The following NEB variants were observed in gnomAD, a reference collection of about 807,000 sequenced individuals.
NEB encodes nebulin.
In NEB, 512 loss-of-function variants were observed where a neutral mutation model predicts 952.2. That is an observed-to-expected ratio of 0.54 (90% CI 0.50 to 0.58). The LOEUF is 0.58. Among genes scored for constraint, NEB ranks in the 20% least tolerant of loss-of-function variants. The pLI is 0.00. For missense variants in NEB, 8,428 were observed against 9,231.1 expected (o/e 0.91, Z 3.56); for synonymous variants, 2,900 against 3,149.8 (o/e 0.92, Z 2.66).
chr2:151,574,922 C>T (rs916443445), intron 107 of NEB, among the ~76,000 whole-genome samples: 1 of 151,840 alleles, frequency 6.6e-6, no homozygotes, highest in South Asian at 2.1e-4. Flanking sequence ...TATTTTCTTG[C>T]AGAGATGGGG....
intron 170 of NEB, 113 bp from the exon 171 acceptor site, chr2:151,497,831 T>TGACA (rs1201725978): frequency 1.0e-5 from 16 of 1,525,392 alleles, no homozygotes; most frequent in African/African-American, 1.4e-5. Flanking sequence ...AGTTATATGC[T>TGACA]GACAAAATGC....
intron 108 of NEB, 27 bp from the exon 109 acceptor site, chr2:151,570,419 G>A: frequency 6.3e-7 from 1 of 1,578,524 alleles, no homozygotes; most frequent in Non-Finnish European, 8.6e-7. Context: ...AAAGCAGATG[G>A]GTCACAGCAT....
intron 135 of NEB, among the ~76,000 whole-genome samples, chr2:151,543,685 CTA>C (rs1400538576): frequency 6.6e-6 from 1 of 152,156 alleles, no homozygotes; most frequent in Non-Finnish European, 1.5e-5. Context: ...CGGGGTCTCA[CTA>C]TATTGCCCAG....
At chr2:151,618,588 C>T in intron 73 of NEB, 110 bp from the exon 74 acceptor site, 1 of 1,084,184 alleles carries the variant, frequency 9.2e-7, no homozygotes, top group Non-Finnish European at 1.3e-6. Context: ...AGTTAAGGTT[C>T]CTAGCATAGT....
intron 78 of NEB, among the ~76,000 whole-genome samples, chr2:151,611,284 A>G (rs1207974585): frequency 2.0e-5 from 3 of 152,214 alleles, no homozygotes; most frequent in Non-Finnish European, 2.9e-5. Flanking sequence ...AACTCCTCAC[A>G]TTCCTCATTT....
intron 105 of NEB, among the ~76,000 whole-genome samples, chr2:151,578,846 C>G (rs1274532506): frequency 6.6e-6 from 1 of 152,010 alleles, no homozygotes; most frequent in African/African-American, 2.4e-5. Flanking sequence ...CTTTGGAAGG[C>G]TGAGACGGGT....
At chr2:151,658,284 A>AT (rs1480715276) in intron 47 of NEB, among the ~76,000 whole-genome samples, 194 bp from the exon 48 acceptor site, 2 of 152,134 alleles carry the variant, frequency 1.3e-5, no homozygotes, top group African/African-American at 2.4e-5. Context: ...ACTTAAACAT[A>AT]TTTTCAAGAA....
chr2:151,720,313 A>G (rs1378432002), intron 9 of NEB, among the ~76,000 whole-genome samples: 1 of 152,214 alleles, frequency 6.6e-6, no homozygotes, highest in Non-Finnish European at 1.5e-5. Context: ...CCAGAAATCT[A>G]TGTGCCTACA....
chr2:151,527,283 C>T (rs2086798431), intron 147 of NEB, among the ~76,000 whole-genome samples, 198 bp downstream of exon 147: 1 of 152,184 alleles, frequency 6.6e-6, no homozygotes, highest in Admixed American at 6.5e-5. Flanking sequence ...TGTCCAGGCC[C>T]AGCCAAAGGA....
chr2:151,501,292 T>A, intron 168 of NEB, 99 bp downstream of exon 168: 1 of 795,058 alleles, frequency 1.3e-6, no homozygotes, highest in Non-Finnish European at 2.0e-6. Context: ...AAAAAGATTT[T>A]GTTAAATTGA....
intron 10 of NEB, 49 bp downstream of exon 10, chr2:151,717,367 A>C (rs374318711): frequency 1.1e-4 from 135 of 1,255,336 alleles, no homozygotes; most frequent in Non-Finnish European, 1.5e-4. Flanking sequence ...GGTTGAAATT[A>C]TTAAGCAGAG....
intron 107 of NEB, among the ~76,000 whole-genome samples, chr2:151,573,611 CT>C (rs1460770057): frequency 6.6e-5 from 10 of 152,222 alleles, no homozygotes; most frequent in Non-Finnish European, 1.5e-4. Context: ...ACTTATAGAG[CT>C]GTTTGGCACA....
rs2099082400 is a variant in NEB, at chr2:151,656,017, A to T, written c.6502T>A (p.Tyr2168Asn). 1 of 1,612,666 alleles carries T rather than the reference A, an allele frequency of 6.2e-7. No homozygotes were observed. Among genetic ancestry groups the T allele is most frequent in the Non-Finnish European group, 8.5e-7 (1 of 1,179,086 alleles). The change falls in exon 50 of 182, where the codon TAT (tyrosine) becomes AAT (asparagine). Residue 2168 changes from tyrosine (Y) to asparagine (N), a missense_variant. Physicochemically the swap from Tyr to Asn is moderately radical, Grantham distance 143. This residue lies in a region of NEB where 2,851 missense variants were observed against 2,791.5 expected (regional missense o/e 1.02). Coordinates refer to ENST00000397345, the MANE Select transcript of NEB (RefSeq NM_001164508.2). ...NMNRIQSDNE[Y>N]KQDYNEWYKG... ...TACCATTCATTGTAATCTTGCTTAT[A>T]TTCATTCTATAAAGAAGATAAGCAA...
Position 151,662,322 on chromosome 2 carries a change from T to C in NEB, c.5783A>G (p.Tyr1928Cys). The C allele has an allele frequency of 1.2e-6, 2 of 1,613,376 alleles. No homozygotes were observed. The highest frequency in any genetic ancestry group is 1.7e-6 in the Non-Finnish European group (2 of 1,179,510). Residue 1928 changes from tyrosine to cysteine, a missense_variant, in exon 46 of 182, where the codon TAT (tyrosine) becomes TGT (cysteine). Transcript: ENST00000397345. ...IQSDNQYKADYADFMKGIGWL... is the reference protein window; with the variant it reads ...IQSDNQYKADCADFMKGIGWL... The stretch of plus-strand genomic sequence containing the variant: ...TCCAATGCCCTTCATGAAGTCAGCA[T>C]AGTCAGCCTTGTACTGATTCTGCAA...
intron 51 of NEB, among the ~76,000 whole-genome samples, chr2:151,654,873 G>A (rs1451668291): frequency 6.6e-6 from 1 of 152,164 alleles, no homozygotes; most frequent in Non-Finnish European, 1.5e-5. Flanking sequence ...ATTTATTAGA[G>A]ACAGGGTCTC....
chr2:151,717,361 GA>G (rs2099761842), intron 10 of NEB, 54 bp downstream of exon 10: 1 of 1,227,140 alleles, frequency 8.1e-7, no homozygotes, highest in South Asian at 1.2e-5. Flanking sequence ...TCTGATGGTT[GA>G]AATTATTAAG....
At position 151,627,651 on chromosome 2, in the gene NEB, CCA is replaced by C; in HGVS notation, c.10013_10014del (p.Val3338GlyfsTer30). ...AAGGTCTGGCACTTCTTGGCTAACA[CCA>C]CTCCCAGCATGTCCACTGGGCTGCT... ...KFSSPVDMLG[V>X]VLAKKCQTLV... On this transcript the variant is annotated frameshift_variant, in exon 69 of 182. Transcript: ENST00000397345. LOFTEE classifies it high-confidence loss of function. 1 of 1,613,972 alleles carries C rather than the reference CCA, an allele frequency of 6.2e-7. No individual in the cohort carries two copies. The highest frequency in any genetic ancestry group is 8.5e-7 in the Non-Finnish European group (1 of 1,179,882).
intron 181 of NEB, among the ~76,000 whole-genome samples, chr2:151,487,021 A>G (rs987961174): frequency 6.6e-6 from 1 of 152,126 alleles, no homozygotes; most frequent in African/African-American, 2.4e-5. Context: ...TATGAACTTC[A>G]TACTAAGTTA....
chr2:151,621,342 G>T (rs1019346149), intron 71 of NEB, among the ~76,000 whole-genome samples: 7 of 152,116 alleles, frequency 4.6e-5, no homozygotes, highest in Admixed American at 1.3e-4. Context: ...AAGAAATGTT[G>T]ATTTATTTAA....
Sources: gnomAD v4.1 joint callset for allele counts (sites outside exome capture counted in the v4.1 genomes callset) on GRCh38, gnomAD v4.1.1 for gene constraint, gnomAD v4.1.1 regional missense constraint, MANE v1.5 for transcripts, NCBI Gene and HGNC (gene_info 2026-07-23, HGNC 2026-07-21) for gene names.